FUT8: variants seen among roughly 807,000 people sequenced by gnomAD.
The protein encoded by FUT8 is alpha-(1,6)-fucosyltransferase.
A neutral mutation model predicts 71.3 loss-of-function variants in FUT8; 29 were observed. That is an observed-to-expected ratio of 0.41 (90% confidence interval 0.30 to 0.55). The LOEUF is 0.55. Ranked by LOEUF, FUT8 falls within the 20% of genes least tolerant of loss-of-function variation. FUT8 has a pLI of 0.34. For missense variants in FUT8, 544 were observed against 702.1 expected (o/e 0.77, Z 2.55); for synonymous variants, 254 against 239.3 (o/e 1.06, Z -0.57).
intron 5 of FUT8, among the ~76,000 whole-genome samples, chr14:65,624,630 C>A (rs1889801270): frequency 6.6e-6 from 1 of 152,232 alleles, no homozygotes; most frequent in African/African-American, 2.4e-5. Context: ...GTATCTGTTC[C>A]TGTGCATTCG....
intron 1 of FUT8, among the ~76,000 whole-genome samples, chr14:65,427,794 A>G (rs1340991739): frequency 1.3e-5 from 2 of 152,202 alleles, no homozygotes; most frequent in Non-Finnish European, 2.9e-5. Context: ...GAAAACTTTC[A>G]TCTTCCAAAA....
intron 9 of FUT8, among the ~76,000 whole-genome samples, chr14:65,732,073 GTTTTC>G (rs1202933276): frequency 6.6e-6 from 1 of 152,134 alleles, no homozygotes; most frequent in Non-Finnish European, 1.5e-5. Flanking sequence ...ATTTCTGGTT[GTTTTC>G]TTTTCCGAAC....
intron 3 of FUT8, among the ~76,000 whole-genome samples, chr14:65,606,656 C>T (rs1291427171): frequency 1.4e-4 from 21 of 151,764 alleles, no homozygotes; most frequent in Non-Finnish European, 4.4e-5. Flanking sequence ...TTCCATTAGT[C>T]TTATCTGGCT....
intron 2 of FUT8, among the ~76,000 whole-genome samples, chr14:65,506,340 T>TA (rs1265741106): frequency 6.6e-6 from 1 of 152,186 alleles, no homozygotes; most frequent in South Asian, 2.1e-4. Context: ...TTTCTTGCTA[T>TA]AAAAAAAGAA....
intron 7 of FUT8, among the ~76,000 whole-genome samples, chr14:65,700,412 A>G (rs1894229491): frequency 3.2e-5 from 1 of 31,592 alleles, no homozygotes; most frequent in African/African-American, 1.3e-4. Context: ...TTTTTTTGAG[A>G]CGGAGTCTTG....
At chr14:65,380,304 C>G in the FUT8 span, among the ~76,000 whole-genome samples, 1 of 152,010 alleles carries the variant, frequency 6.6e-6, no homozygotes, top group Non-Finnish European at 1.5e-5. Flanking sequence ...AAGACAAGCC[C>G]CCATGATTCA....
intron 7 of FUT8, among the ~76,000 whole-genome samples, chr14:65,720,636 G>A (rs529319665): frequency 1.4e-4 from 21 of 152,264 alleles, no homozygotes; most frequent in South Asian, 8.3e-4. Context: ...ACTAGGTTAC[G>A]TGCCCCCTAG....
intron 6 of FUT8, among the ~76,000 whole-genome samples, chr14:65,645,499 TA>T (rs1055584360): frequency 2.0e-5 from 3 of 152,202 alleles, no homozygotes; most frequent in African/African-American, 7.2e-5. Flanking sequence ...ATGGTTGATT[TA>T]AAATGTTGTT....
chr14:65,361,762 G>C, the FUT8 span, among the ~76,000 whole-genome samples: 4 of 152,022 alleles, frequency 2.6e-5, no homozygotes, highest in Non-Finnish European at 5.9e-5. Flanking sequence ...ACTCCAGCCT[G>C]GGCGACAGAG....
chr14:65,532,533 C>G (rs1293625983), intron 2 of FUT8, among the ~76,000 whole-genome samples: 3 of 152,040 alleles, frequency 2.0e-5, no homozygotes, highest in Non-Finnish European at 4.4e-5. Flanking sequence ...GGAAATTAGA[C>G]CTTTGTCAGA....
chr14:65,401,859 C>T, the FUT8 span, among the ~76,000 whole-genome samples: 6 of 147,668 alleles, frequency 4.1e-5, no homozygotes, highest in African/African-American at 1.3e-4. Context: ...TGCCACTGCA[C>T]TCCCTCCAGC....
At chr14:65,480,200 A>G (rs1351232260) in intron 2 of FUT8, among the ~76,000 whole-genome samples, 2 of 149,978 alleles carry the variant, frequency 1.3e-5, no homozygotes, top group African/African-American at 4.9e-5. Context: ...TTATTGACTG[A>G]TTGCTTTTTT....
rs752984491 is a variant in FUT8 at position 65,646,010 on chromosome 14, G to A, written c.597+16404G>A. 9 of 152,228 alleles carry A rather than the reference G, an allele frequency of 5.9e-5. No individual in the cohort carries two copies. The South Asian group carries it at 6.2e-4, about 11-fold the overall frequency. 9.4% of individuals were successfully genotyped at this position (152,228 alleles called of 1,614,324 possible). A position where few individuals can be genotyped will look rare whatever the true frequency, so the allele number is the denominator to read the frequency against. ...TTATTTGCTACCCAACACTAATACCGACGCTGGAAAACTGAGATGGCACCG... is the reference window on the plus strand; with the variant it reads ...TTATTTGCTACCCAACACTAATACCAACGCTGGAAAACTGAGATGGCACCG... On this transcript the variant is annotated intron_variant, in intron 6 of 10. Transcript: ENST00000673929.
chr14:65,488,033 A>G (rs949631709), intron 2 of FUT8, among the ~76,000 whole-genome samples: 4 of 152,000 alleles, frequency 2.6e-5, no homozygotes, highest in African/African-American at 9.7e-5. Context: ...TGTTGCCCAG[A>G]CTGGTCTGAA....
the FUT8 span, among the ~76,000 whole-genome samples, chr14:65,365,606 GGT>G: frequency 6.6e-6 from 1 of 151,982 alleles, no homozygotes; most frequent in East Asian, 1.9e-4. Context: ...AAACCAAGAT[GGT>G]GATGAGAGTG....
At chr14:65,712,880 AC>A (rs760356644) in intron 7 of FUT8, among the ~76,000 whole-genome samples, 7 of 152,232 alleles carry the variant, frequency 4.6e-5, no homozygotes, top group African/African-American at 7.2e-5. Flanking sequence ...GGTATCCATC[AC>A]CTCAAGCATT....
At chr14:65,471,015 G>A (rs897153816) in intron 2 of FUT8, 2 of 437,204 alleles carry the variant, frequency 4.6e-6, no homozygotes, top group African/African-American at 4.2e-5. Flanking sequence ...TTGGGTTTTT[G>A]TAAAGAATCC....
intron 2 of FUT8, among the ~76,000 whole-genome samples, chr14:65,537,058 T>C (rs1283577664): frequency 6.6e-6 from 1 of 151,580 alleles, no homozygotes; most frequent in Non-Finnish European, 1.5e-5. Context: ...TCTGTTTTGC[T>C]GTTAATACTT....
the FUT8 span, among the ~76,000 whole-genome samples, chr14:65,379,520 ACT>A: frequency 6.6e-6 from 1 of 151,608 alleles, no homozygotes; most frequent in Admixed American, 6.6e-5. Context: ...ACAGAGGGAG[ACT>A]CTGTCTCAAA....
Sources: gnomAD v4.1 joint callset for allele counts (sites outside exome capture counted in the v4.1 genomes callset) on GRCh38, gnomAD v4.1.1 for gene constraint, MANE v1.5 for transcripts, NCBI Gene and HGNC (gene_info 2026-07-23, HGNC 2026-07-21) for gene names.